Variants in DMXL1 observed in about 807,000 individuals in gnomAD.
The protein encoded by DMXL1 is dmX-like protein 1.
In DMXL1, 99 loss-of-function variants were observed where a neutral mutation model predicts 319.2. That is an observed-to-expected ratio of 0.31 (90% confidence interval 0.26 to 0.37). DMXL1 has a LOEUF of 0.37. Among genes scored for constraint, DMXL1 ranks in the 10% least tolerant of loss-of-function variants. DMXL1 has a pLI of 1.00. For missense variants in DMXL1, 3,745 were observed against 3,595.6 expected, an observed-to-expected ratio of 1.04 and a Z score of -1.06; for synonymous variants, 1,385 against 1,235.2, an observed-to-expected ratio of 1.12 and a Z score of -2.54.
chr5:119,103,022 T>C (rs1757592781), intron 3 of DMXL1, among the ~76,000 whole-genome samples: 1 of 151,916 alleles, frequency 6.6e-6, no homozygotes, highest in Non-Finnish European at 1.5e-5. Context: ...GAAAATCCCT[T>C]GACACGAATT....
chr5:119,188,339 T>C (rs1778118734), intron 28 of DMXL1, among the ~76,000 whole-genome samples: 1 of 152,168 alleles, frequency 6.6e-6, no homozygotes, highest in Admixed American at 6.5e-5. Flanking sequence ...GCGTCTGAGG[T>C]GTGGATATCC....
chr5:119,139,792 G>T (rs557124403), intron 13 of DMXL1, among the ~76,000 whole-genome samples: 2 of 152,176 alleles, frequency 1.3e-5, no homozygotes, highest in African/African-American at 2.4e-5. Context: ...GACTGCTGCA[G>T]AACTCTCCAC....
chr5:119,246,405 A>G (rs1477191376), intron 43 of DMXL1, among the ~76,000 whole-genome samples: 1 of 152,136 alleles, frequency 6.6e-6, no homozygotes, highest in Non-Finnish European at 1.5e-5. Flanking sequence ...TTTCTGTAGC[A>G]TTGTACACTT....
intron 34 of DMXL1, among the ~76,000 whole-genome samples, chr5:119,214,345 A>G (rs1488781580): frequency 1.3e-5 from 2 of 152,076 alleles, no homozygotes; most frequent in Non-Finnish European, 2.9e-5. Context: ...CCCTAATCCA[A>G]CCCACTATGA....
intron 35 of DMXL1, among the ~76,000 whole-genome samples, chr5:119,219,863 C>T (rs1017048540): frequency 6.6e-6 from 1 of 152,120 alleles, no homozygotes; most frequent in African/African-American, 2.4e-5. Context: ...CCACTGCCCC[C>T]AGCCAAGATG....
intron 38 of DMXL1, among the ~76,000 whole-genome samples, chr5:119,226,303 T>C (rs1785545040): frequency 6.6e-6 from 1 of 152,190 alleles, no homozygotes. Flanking sequence ...CCACAGGTAG[T>C]AATTTAGTTT....
chr5:119,148,979 G>A lies in DMXL1; in HGVS notation c.3152G>A (p.Cys1051Tyr), dbSNP rs1347924473. 6.2e-7 allele frequency: 1 copy of A among 1,613,948 alleles called. No individual in the cohort carries two copies. The highest frequency in any genetic ancestry group is 1.7e-5 in the Admixed American group (1 of 60,006). The change falls in exon 18 of 44, where the codon TGT (cysteine) becomes TAT (tyrosine). Residue 1051 changes from cysteine to tyrosine, a missense_variant. Physicochemically the swap from Cys to Tyr is radical, Grantham distance 194. This residue lies in a region of DMXL1 where 2,096 missense variants were observed against 1,985.4 expected (regional missense o/e 1.06). Transcript: ENST00000539542. ...TVPGRPVEVS[C>Y]AHTNRLAVAY... ...CCTGGTAGGCCTGTAGAAGTTAGCT[G>A]TGCACATACAAATCGTTTAGCAGTA...
At chr5:119,103,483 A>C (rs1436084938) in intron 3 of DMXL1, among the ~76,000 whole-genome samples, 1 of 152,234 alleles carries the variant, frequency 6.6e-6, no homozygotes, top group Non-Finnish European at 1.5e-5. Flanking sequence ...CAAGTGAAGC[A>C]GCTGTTAAGC....
chr5:119,178,268 G>T, intron 28 of DMXL1, 24 bp downstream of exon 28: 10 of 1,603,448 alleles, frequency 6.2e-6, no homozygotes, highest in Non-Finnish European at 8.5e-6. Context: ...ATTTTTTTAG[G>T]ACTGAAGCTT....
rs1756351859 is a variant in DMXL1, at chr5:119,097,874, A to G, written c.88-105A>G. ...GAAAACACCTAAAATTGGTCTTTTA[A>G]AACATTTATTCTCCCTGCCTTAAAA... On this transcript the variant is annotated intron_variant, in intron 1 of 43. Transcript: ENST00000539542. The G allele has an allele frequency of 2.7e-6, 3 of 1,097,120 alleles. No individual in the cohort carries two copies. The East Asian group carries it at 8.3e-5, about 30-fold the overall frequency. The allele number at this position is 1,097,120 out of a possible 1,614,324, so 68.0% of individuals were successfully genotyped here.
chr5:119,143,818 A>T (rs1279655293), intron 13 of DMXL1, 23 bp from the exon 14 acceptor site: 2 of 1,488,524 alleles, frequency 1.3e-6, no homozygotes, highest in South Asian at 1.3e-5. Flanking sequence ...TTAGTAAATT[A>T]TAAATTTTTT....
In DMXL1 at chr5:119,209,992, A is replaced by G. The variant is rs532328322; in HGVS notation, c.7926+3096A>G. ...CATTTTATTTATTTATTTTTTAAGCAAAGTCTTGCTCTGTTGCCTATGCTG... is the reference window on the plus strand; with the variant it reads ...CATTTTATTTATTTATTTTTTAAGCGAAGTCTTGCTCTGTTGCCTATGCTG... On this transcript the variant is annotated intron_variant, in intron 34 of 43. Coordinates refer to ENST00000539542, the MANE Select transcript of DMXL1 (RefSeq NM_001290321.3). Among the ~76,000 whole-genome samples, 4 of 152,150 alleles carry G rather than the reference A, an allele frequency of 2.6e-5. No homozygotes were observed. In the East Asian group the frequency reaches 7.8e-4, roughly 30 times the overall value.
intron 1 of DMXL1, among the ~76,000 whole-genome samples, chr5:119,084,040 G>T (rs1561539313): frequency 6.6e-6 from 1 of 152,074 alleles, no homozygotes. Context: ...CTGATGATTT[G>T]TGATGTTGAA....
rs1765405412 is a variant in DMXL1, at chr5:119,133,660, C to G, written c.1736C>G (p.Ser579Cys). 6.2e-7 allele frequency: 1 copy of G among 1,614,056 alleles called. No individual in the cohort carries two copies. The highest frequency in any genetic ancestry group is 1.7e-5 in the Admixed American group (1 of 60,006). The change falls in exon 12 of 44, where the codon TCT (serine) becomes TGT (cysteine). Residue 579 changes from serine to cysteine, a missense_variant. Physicochemically the swap from Ser to Cys is moderately radical, Grantham distance 112 (BLOSUM62 -1). Transcript: ENST00000539542. ...LTRSTSMLIS[S>C]GHNKSSNSLK... ...CGTTCCACATCAATGCTTATTTCTT[C>G]TGGTCACAATAAATCATCTAATAGT... is the stretch of plus-strand genomic sequence containing the variant.
chr5:119,120,439 A>C lies in DMXL1; in HGVS notation c.934-532A>C, dbSNP rs547444459. 2.6e-5 allele frequency among the ~76,000 whole-genome samples: 4 copies of C among 152,200 alleles called. No individual in the cohort carries two copies. The East Asian group carries it at 7.7e-4, about 29-fold the overall frequency. On this transcript the variant is annotated intron_variant, in intron 8 of 43. Coordinates refer to ENST00000539542, the MANE Select transcript of DMXL1 (RefSeq NM_001290321.3). The stretch of plus-strand genomic sequence containing the variant: ...TCTTAGCTAGATGATCTTGGGTTCT[A>C]TATAGACCATTTTATCATATGAAAG...
intron 37 of DMXL1, among the ~76,000 whole-genome samples, chr5:119,223,987 C>T (rs969247623): frequency 2.6e-5 from 4 of 152,030 alleles, no homozygotes; most frequent in Non-Finnish European, 5.9e-5. Flanking sequence ...TTATGACCAG[C>T]TTCTGCTATT....
chr5:119,163,345 G>A (rs9790885), intron 19 of DMXL1, among the ~76,000 whole-genome samples: 78,215 of 152,016 alleles, frequency 0.51, 20,998 homozygotes, highest in East Asian at 0.96. Flanking sequence ...TGCCTTTTTT[G>A]ATGGCAGAAA....
intron 30 of DMXL1, among the ~76,000 whole-genome samples, chr5:119,196,087 T>G (rs1779569926): frequency 6.6e-6 from 1 of 152,190 alleles, no homozygotes; most frequent in Non-Finnish European, 1.5e-5. Flanking sequence ...ATATTAACAC[T>G]TAGAGATCCT....
At chr5:119,102,214 G>T in intron 3 of DMXL1, 1 of 370,980 alleles carries the variant, frequency 2.7e-6, no homozygotes, top group Non-Finnish European at 4.9e-6. Context: ...TTGTTGAAAT[G>T]CTTTATTATT....
Sources: gnomAD v4.1 joint callset for allele counts (sites outside exome capture counted in the v4.1 genomes callset) on GRCh38, gnomAD v4.1.1 for gene constraint, gnomAD v4.1.1 regional missense constraint, MANE v1.5 for transcripts, NCBI Gene and HGNC (gene_info 2026-07-23, HGNC 2026-07-21) for gene names.